The following FOSB variants were observed in gnomAD, a reference collection of about 807,000 sequenced individuals.
FOSB encodes the protein FosB proto-oncogene, AP-1 transcription factor subunit.
In FOSB, 8 loss-of-function variants were observed where a neutral mutation model predicts 31.1. The observed-to-expected ratio is 0.26, with a 90% CI of 0.15 to 0.46. FOSB has a LOEUF of 0.46. Ranked by LOEUF, FOSB falls within the 20% of genes least tolerant of loss-of-function variation. The pLI is 0.99. For missense variants in FOSB, 376 were observed against 460.6 expected (o/e 0.82, Z 1.68); for synonymous variants, 214 against 206.1 (o/e 1.04, Z -0.33).
intron 2 of FOSB, 116 bp from the exon 3 acceptor site, chr19:45,471,078 G>A (rs772457572): frequency 1.1e-5 from 15 of 1,340,520 alleles, no homozygotes; most frequent in Middle Eastern, 1.8e-4. Flanking sequence ...TGCTACACGA[G>A]CGAGGACCGG....
intron 2 of FOSB, 57 bp from the exon 3 acceptor site, chr19:45,471,137 G>T: frequency 4.8e-6 from 7 of 1,459,598 alleles, no homozygotes; most frequent in Non-Finnish European, 5.6e-6. Context: ...AGAGGTTCGG[G>T]ATGGGTGGAG....
chr19:45,471,438 C>T (rs1386136977), intron 3 of FOSB, 137 bp downstream of exon 3: 1 of 655,602 alleles, frequency 1.5e-6, no homozygotes, highest in African/African-American at 1.8e-5. Context: ...CTGCTGTGGC[C>T]AGACTGGGTA....
Position 45,470,879 on chromosome 19 carries a change from G to C in FOSB, c.377G>C (p.Ser126Thr). ...GASGSGGPST[S>T]GTTSGPGPAR... ...AGTGGCAGTGGTGGGCCTTCCACCA[G>C]CGGAACTACCAGTGGGCCTGGGCCT... is the stretch of plus-strand genomic sequence containing the variant. Residue 126 changes from serine to threonine, a missense_variant, in exon 2 of 4, where the codon AGC becomes ACC. Transcript: ENST00000353609. The C allele has an allele frequency of 6.2e-7, 1 of 1,614,028 alleles. No homozygotes were observed. The highest frequency in any genetic ancestry group is 8.5e-7 in the Non-Finnish European group (1 of 1,180,032).
Position 45,468,803 on chromosome 19 carries a change from G to A in FOSB, c.126+91G>A. ...TAAACCCCAACCCCCACAAAAAGGC[G>A]CATCAGAACCCTAGATCTGAGATGG... On this transcript the variant is annotated intron_variant, in intron 1 of 3. Coordinates refer to ENST00000353609, the MANE Select transcript of FOSB (RefSeq NM_006732.3). The surrounding 1 kb of genome is among the most constrained non-coding windows in gnomAD (Gnocchi z 4.8). 1 of 1,342,006 alleles carries A rather than the reference G, an allele frequency of 7.5e-7. No individual in the cohort carries two copies. Among genetic ancestry groups the A allele is most frequent in the Non-Finnish European group, 1.0e-6 (1 of 1,002,596 alleles). The allele number at this position is 1,342,006 out of a possible 1,614,324, so 83.1% of individuals were successfully genotyped here. A position where few individuals can be genotyped will look rare whatever the true frequency, so the allele number is the denominator to read the frequency against.
Position 45,468,311 on chromosome 19 carries a change from CT to C in FOSB, c.-275del, listed in dbSNP as rs2122132531. 3 of 335,934 alleles carry C rather than the reference CT, an allele frequency of 8.9e-6. No homozygotes were observed. The highest frequency in any genetic ancestry group is 2.1e-5 in the African/African-American group (1 of 46,730). The allele number at this position is 335,934 out of a possible 1,614,324, so 20.8% of individuals were successfully genotyped here. A position where few individuals can be genotyped will look rare whatever the true frequency, so the allele number is the denominator to read the frequency against. The stretch of plus-strand genomic sequence containing the variant: ...TGGGGGAGCAACCCCTCCCTCGCCC[CT>C]GGGTCCTACGGAGCCTGCACTTTCA... On this transcript the variant is annotated 5_prime_UTR_variant, in exon 1 of 4. Coordinates refer to ENST00000353609, the MANE Select transcript of FOSB (RefSeq NM_006732.3). The surrounding 1 kb of genome is among the most constrained non-coding windows in gnomAD (Gnocchi z 4.8).
chr19:45,469,463 C>T lies in FOSB; in HGVS notation c.126+751C>T, dbSNP rs569980426. 5.3e-5 allele frequency among the ~76,000 whole-genome samples: 8 copies of T among 152,338 alleles called. No homozygotes were observed. In the South Asian group the frequency reaches 1.0e-3, roughly 20 times the overall value. Reference sequence around the variant, plus strand: ...TTTGTAGGGTGCATTTTCCTTCCCCCCTCTCTGTCCCCGGAACCCGTGGTT... The same window carrying T: ...TTTGTAGGGTGCATTTTCCTTCCCCTCTCTCTGTCCCCGGAACCCGTGGTT... On this transcript the variant is annotated intron_variant, in intron 1 of 3. Coordinates refer to ENST00000353609, the MANE Select transcript of FOSB (RefSeq NM_006732.3).
rs770486135 is a variant in FOSB at position 45,471,048 on chromosome 19, T to C, written c.447+99T>C. ...GGGGGCTCCACTAAGGCCTCAGTGT[T>C]ACAGAAACCCCAAGATCCTTGCTAC... On this transcript the variant is annotated intron_variant, in intron 2 of 3. Transcript: ENST00000353609. 17 of 1,382,822 alleles carry C rather than the reference T, an allele frequency of 1.2e-5. No individual in the cohort carries two copies. The South Asian group carries it at 2.0e-4, about 17-fold the overall frequency. The allele number at this position is 1,382,822 out of a possible 1,614,324, so 85.7% of individuals were successfully genotyped here. A position where few individuals can be genotyped will look rare whatever the true frequency, so the allele number is the denominator to read the frequency against.
rs927451550 is a variant in FOSB, at chr19:45,475,099, G to A, written c.*2087G>A. ...TTTGTATTTTGCATCTGACCCCGGG[G>A]GGCTGGGACAGATTGGCAATGGGCC... is the stretch of plus-strand genomic sequence containing the variant. On this transcript the variant is annotated 3_prime_UTR_variant, in exon 4 of 4. Transcript: ENST00000353609. The A allele has an allele frequency of 2.6e-5, 4 of 152,544 alleles. No homozygotes were observed. Among genetic ancestry groups the A allele is most frequent in the African/African-American group, 9.7e-5 (4 of 41,406 alleles). The allele number at this position is 152,544 out of a possible 1,614,324, so 9.4% of individuals were successfully genotyped here. A position where few individuals can be genotyped will look rare whatever the true frequency, so the allele number is the denominator to read the frequency against.
chr19:45,470,622 C>T lies in FOSB; in HGVS notation c.127-7C>T. On this transcript the variant is annotated splice_region_variant and splice_polypyrimidine_tract_variant and intron_variant, in intron 1 of 3. Coordinates refer to ENST00000353609, the MANE Select transcript of FOSB (RefSeq NM_006732.3). ...CTACGCCTGTGTGTGTATGTGTCAC[C>T]CCGTAGGAGTGCGCCGGTCTCGGGG... The T allele has an allele frequency of 6.3e-7, 1 of 1,597,844 alleles. No individual in the cohort carries two copies. The highest frequency in any genetic ancestry group is 8.5e-7 in the Non-Finnish European group (1 of 1,172,416).
chr19:45,471,917 A>T (rs1043881007), intron 3 of FOSB: 6 of 152,684 alleles, frequency 3.9e-5, no homozygotes, highest in African/African-American at 7.3e-5. Context: ...GGAGGTAGAG[A>T]GGGAGGGGTA....
chr19:45,468,833 G>C lies in FOSB; in HGVS notation c.126+121G>C. 9.0e-7 allele frequency: 1 copy of C among 1,108,744 alleles called. No individual in the cohort carries two copies. Among genetic ancestry groups the C allele is most frequent in the South Asian group, 1.7e-5 (1 of 59,966 alleles). 68.7% of individuals were successfully genotyped at this position (1,108,744 alleles called of 1,614,324 possible). A position where few individuals can be genotyped will look rare whatever the true frequency, so the allele number is the denominator to read the frequency against. On this transcript the variant is annotated intron_variant, in intron 1 of 3. Transcript: ENST00000353609. The surrounding 1 kb of genome is among the most constrained non-coding windows in gnomAD (Gnocchi z 4.8). ...AGAACCCTAGATCTGAGATGGAAAA[G>C]GCTCACAGCGCACTTTGCAAACTGC...
chr19:45,471,851 T>A (rs1397880696), intron 3 of FOSB: 1 of 153,328 alleles, frequency 6.5e-6, no homozygotes, highest in African/African-American at 2.4e-5. Context: ...GAGCTGTTAC[T>A]CCTTGAGGGA....
At position 45,472,711 on chromosome 19, in the gene FOSB, G is replaced by A; in HGVS notation, c.716G>A (p.Arg239Lys). 6.2e-7 allele frequency: 1 copy of A among 1,610,256 alleles called. No homozygotes were observed. The highest frequency in any genetic ancestry group is 8.5e-7 in the Non-Finnish European group (1 of 1,178,144). ...GPGPGPLAEV[R>K]DLPGSAPAKE... ...GGGCCGGGCCCGCTGGCGGAGGTGA[G>A]AGATTTGCCGGGCTCAGCACCGGCT... Residue 239 changes from arginine to lysine, a missense_variant, in exon 4 of 4, where the codon AGA becomes AAA. Physicochemically the swap from Arg to Lys is conservative, Grantham distance 26. Coordinates refer to ENST00000353609, the MANE Select transcript of FOSB (RefSeq NM_006732.3). The surrounding 1 kb of genome is among the most constrained non-coding windows in gnomAD (Gnocchi z 5.4).
At position 45,468,516 on chromosome 19, in the gene FOSB, C is replaced by G. The variant is rs1967497289; in HGVS notation, c.-71C>G. 1 of 1,531,760 alleles carries G rather than the reference C, an allele frequency of 6.5e-7. No homozygotes were observed. The highest frequency in any genetic ancestry group is 8.8e-7 in the Non-Finnish European group (1 of 1,140,308). The allele number at this position is 1,531,760 out of a possible 1,614,324, so 94.9% of individuals were successfully genotyped here. On this transcript the variant is annotated 5_prime_UTR_variant, in exon 1 of 4. Coordinates refer to ENST00000353609, the MANE Select transcript of FOSB (RefSeq NM_006732.3). This position sits in a 1 kb window ranked among gnomAD's most constrained non-coding sequence, Gnocchi z 4.8. Reference sequence around the variant, plus strand: ...CACCCCGGACTTGCACCTTACTTCCCCAACCCGGCCATAGCCTTGGCTTCC... The same window carrying G: ...CACCCCGGACTTGCACCTTACTTCCGCAACCCGGCCATAGCCTTGGCTTCC...
rs1297481412 is a variant in FOSB at position 45,472,964 on chromosome 19, T to C, written c.969T>C (p.Ser323=). 2 of 1,612,884 alleles carry C rather than the reference T, an allele frequency of 1.2e-6. No homozygotes were observed. The highest frequency in any genetic ancestry group is 1.7e-6 in the Non-Finnish European group (2 of 1,180,034). The change falls in exon 4 of 4, where the codon AGT becomes AGC. Residue 323 remains serine (S), a synonymous_variant. Transcript: ENST00000353609. The surrounding 1 kb of genome is among the most constrained non-coding windows in gnomAD (Gnocchi z 5.4). ...CCGGCGCCCAACGCACCAGCGGCAG[T>C]GACCAGCCTTCCGATCCCCTGAACT... ...AFAGAQRTSG[S]DQPSDPLNSP... is the part of the protein sequence containing the mutation.
Position 45,468,548 on chromosome 19 carries a change from C to T in FOSB, c.-39C>T. On this transcript the variant is annotated 5_prime_UTR_variant, in exon 1 of 4. Transcript: ENST00000353609. This position sits in a 1 kb window ranked among gnomAD's most constrained non-coding sequence, Gnocchi z 4.8. Reference sequence around the variant, plus strand: ...GGCCATAGCCTTGGCTTCCCGGCGACCTCAGCGTGGTCACAGGGGCCCCCC... The same window carrying T: ...GGCCATAGCCTTGGCTTCCCGGCGATCTCAGCGTGGTCACAGGGGCCCCCC... The T allele has an allele frequency of 6.3e-7, 1 of 1,581,554 alleles. No individual in the cohort carries two copies. Among genetic ancestry groups the T allele is most frequent in the Non-Finnish European group, 8.6e-7 (1 of 1,167,940 alleles).
Position 45,468,864 on chromosome 19 carries a change from G to C in FOSB, c.126+152G>C, listed in dbSNP as rs143428660. Reference sequence around the variant, plus strand: ...CAGCGCACTTTGCAAACTGCAAAGAGTCGGGAGATGTTTGCAATTGGTTGC... The same window carrying C: ...CAGCGCACTTTGCAAACTGCAAAGACTCGGGAGATGTTTGCAATTGGTTGC... On this transcript the variant is annotated intron_variant, in intron 1 of 3. Transcript: ENST00000353609. The surrounding 1 kb of genome is among the most constrained non-coding windows in gnomAD (Gnocchi z 4.8). 246 of 903,596 alleles carry C rather than the reference G, an allele frequency of 2.7e-4. No homozygotes were observed. In the African/African-American group the frequency reaches 3.9e-3, roughly 14 times the overall value. 56.0% of individuals were successfully genotyped at this position (903,596 alleles called of 1,614,324 possible).
rs1161016726 is a variant in FOSB, at chr19:45,468,054, C to T, written c.-533C>T. 1 of 152,248 alleles carries T rather than the reference C, an allele frequency of 6.6e-6. No individual in the cohort carries two copies. Among genetic ancestry groups the T allele is most frequent in the Non-Finnish European group, 1.5e-5 (1 of 68,052 alleles). The allele number at this position is 152,248 out of a possible 1,614,324, so 9.4% of individuals were successfully genotyped here. ...GACACGCGGAACCAAGACTTGGAAA[C>T]TTGATTGTTGTGGTTCTTCTTGGGG... is the stretch of plus-strand genomic sequence containing the variant. On this transcript the variant is annotated 5_prime_UTR_variant, in exon 1 of 4. Coordinates refer to ENST00000353609, the MANE Select transcript of FOSB (RefSeq NM_006732.3). The surrounding 1 kb of genome is among the most constrained non-coding windows in gnomAD (Gnocchi z 4.8).
rs768255804 is a variant in FOSB, at chr19:45,470,773, C to T, written c.271C>T (p.Pro91Ser). 3.1e-6 allele frequency: 5 copies of T among 1,613,788 alleles called. No homozygotes were observed. The highest frequency in any genetic ancestry group is 3.3e-5 in the Admixed American group (2 of 60,026). ...QSQGQPLASQ[P>S]PVVDPYDMPG... Reference sequence around the variant, plus strand: ...CCAGGGGCAGCCACTGGCCTCCCAGCCCCCGGTCGTCGACCCCTACGACAT... The same window carrying T: ...CCAGGGGCAGCCACTGGCCTCCCAGTCCCCGGTCGTCGACCCCTACGACAT... Residue 91 changes from proline (P) to serine (S), a missense_variant, in exon 2 of 4, where the codon CCC becomes TCC. Pro to Ser is a moderately conservative substitution (Grantham distance 74). Around this residue, in one of 3 missense-constraint regions of FOSB, gnomAD observed 193 missense variants for 207.1 expected, o/e 0.93. Coordinates refer to ENST00000353609, the MANE Select transcript of FOSB (RefSeq NM_006732.3).
Sources: allele counts gnomAD v4.1 joint callset (sites outside exome capture counted in the v4.1 genomes callset), GRCh38; gene constraint gnomAD v4.1.1; regional missense constraint gnomAD v4.1.1; non-coding constraint Gnocchi (gnomAD v3.1); transcripts MANE v1.5; gene names NCBI Gene and HGNC (gene_info 2026-07-23, HGNC 2026-07-21).